The following ZHX2 variants were observed in gnomAD, a reference collection of about 807,000 sequenced individuals.
The protein encoded by ZHX2 is zinc fingers and homeoboxes protein 2.
ZHX2 carries 6 observed loss-of-function variants against 21.9 expected under a neutral mutation model. The ratio of observed to expected loss-of-function variants is 0.27; its 90% CI spans 0.15 to 0.54. The LOEUF is 0.54. Among genes scored for constraint, ZHX2 ranks in the 20% least tolerant of loss-of-function variants. ZHX2 has a pLI of 0.95. For missense variants in ZHX2, 908 were observed against 1,090.7 expected, an observed-to-expected ratio of 0.83 and a Z score of 2.36; for synonymous variants, 434 against 437.1, an observed-to-expected ratio of 0.99 and a Z score of 0.09.
At chr8:122,861,195 G>A (rs1198048569) in intron 1 of ZHX2, among the ~76,000 whole-genome samples, 2 of 152,170 alleles carry the variant, frequency 1.3e-5, no homozygotes, top group African/African-American at 4.8e-5. Context: ...GTCATGGACA[G>A]CATGGAGTCA....
At chr8:122,871,191 G>T (rs1819425908) in intron 2 of ZHX2, among the ~76,000 whole-genome samples, 1 of 152,126 alleles carries the variant, frequency 6.6e-6, no homozygotes, top group Non-Finnish European at 1.5e-5. Flanking sequence ...AATGAGGATT[G>T]TGTAGTGATT....
chr8:122,850,184 C>T (rs1226579177), intron 1 of ZHX2, among the ~76,000 whole-genome samples: 3 of 152,158 alleles, frequency 2.0e-5, no homozygotes, highest in African/African-American at 7.2e-5. Context: ...GATCTCCAAC[C>T]CAACCACATC....
At chr8:122,799,053 G>A (rs1467094540) in intron 1 of ZHX2, among the ~76,000 whole-genome samples, 1 of 152,182 alleles carries the variant, frequency 6.6e-6, no homozygotes, top group East Asian at 1.9e-4. Flanking sequence ...ATGTGCCCAT[G>A]TTAAAGCTCG....
chr8:122,864,085 T>G (rs1819232098), intron 2 of ZHX2, among the ~76,000 whole-genome samples: 1 of 150,694 alleles, frequency 6.6e-6, no homozygotes, highest in Admixed American at 6.7e-5. Flanking sequence ...GGAAGTAGAG[T>G]GAGTTCCCTG....
chr8:122,940,858 G>A (rs996342233), intron 2 of ZHX2, among the ~76,000 whole-genome samples: 4 of 152,110 alleles, frequency 2.6e-5, no homozygotes, highest in South Asian at 2.1e-4. Flanking sequence ...GCAAGCCATC[G>A]AACCTCTCTG....
At chr8:122,891,936 A>G (rs1819990073) in intron 2 of ZHX2, among the ~76,000 whole-genome samples, 1 of 152,180 alleles carries the variant, frequency 6.6e-6, no homozygotes, top group Non-Finnish European at 1.5e-5. Context: ...CGCTAGGTCT[A>G]TTTAGTCTAT....
chr8:122,802,174 C>G (rs1055494515), intron 1 of ZHX2, among the ~76,000 whole-genome samples: 5 of 152,194 alleles, frequency 3.3e-5, no homozygotes, highest in African/African-American at 1.2e-4. Flanking sequence ...AGCGATTTTC[C>G]TGCCTCAGCC....
chr8:122,866,855 C>T (rs766514287), intron 2 of ZHX2, among the ~76,000 whole-genome samples: 13 of 152,158 alleles, frequency 8.5e-5, no homozygotes, highest in Non-Finnish European at 7.3e-5. Context: ...GACAGAGTCT[C>T]GCTCTGCCAC....
intron 2 of ZHX2, among the ~76,000 whole-genome samples, chr8:122,947,242 G>A (rs1812999874): frequency 6.6e-6 from 1 of 151,478 alleles, no homozygotes; most frequent in Admixed American, 6.6e-5. Flanking sequence ...TCCAGCCTGG[G>A]CAACAGAGCA....
At chr8:122,796,170 CA>C (rs35841484) in intron 1 of ZHX2, among the ~76,000 whole-genome samples, 1,211 of 110,202 alleles carry the variant, frequency 0.011, 11 homozygotes, top group East Asian at 0.053. Flanking sequence ...GACTCCATCT[CA>C]AAAAAAAAAA....
intron 2 of ZHX2, among the ~76,000 whole-genome samples, chr8:122,872,037 C>T (rs1175725162): frequency 6.6e-6 from 1 of 152,166 alleles, no homozygotes. Flanking sequence ...GACCCTGGCC[C>T]CTGCAGTCCT....
chr8:122,781,148 G>C (rs1817269835), upstream of ZHX2: 1 of 152,208 alleles, frequency 6.6e-6, no homozygotes, highest in East Asian at 1.9e-4. The surrounding 1 kb of genome is among the most constrained non-coding windows in gnomAD (Gnocchi z 4.6). Context: ...CAGGGTGCGT[G>C]GTGGCCCCAC....
intron 1 of ZHX2, among the ~76,000 whole-genome samples, chr8:122,817,482 G>A (rs764821333): frequency 2.3e-4 from 35 of 152,154 alleles, no homozygotes; most frequent in Admixed American, 9.2e-4. Context: ...CCCAACCCCA[G>A]GCCCACAAGG....
At chr8:122,809,708 G>T (rs1769340396) in intron 1 of ZHX2, among the ~76,000 whole-genome samples, 1 of 152,138 alleles carries the variant, frequency 6.6e-6, no homozygotes, top group Admixed American at 6.5e-5. Context: ...CACGCGTGGG[G>T]CCTGAAGTGT....
At chr8:122,914,246 A>G (rs1366764976) in intron 2 of ZHX2, among the ~76,000 whole-genome samples, 1 of 152,226 alleles carries the variant, frequency 6.6e-6, no homozygotes, top group Non-Finnish European at 1.5e-5. Flanking sequence ...CTGGCAGCCC[A>G]TGCTCTGCCA....
At chr8:122,803,339 C>T (rs1329365405) in intron 1 of ZHX2, among the ~76,000 whole-genome samples, 1 of 152,186 alleles carries the variant, frequency 6.6e-6, no homozygotes, top group Non-Finnish European at 1.5e-5. Context: ...GCTCCTCCTG[C>T]AGGCTTTCAC....
intron 2 of ZHX2, among the ~76,000 whole-genome samples, chr8:122,949,545 C>A (rs1813058876): frequency 6.6e-6 from 1 of 151,816 alleles, no homozygotes; most frequent in South Asian, 2.1e-4. Flanking sequence ...AGCATACAAG[C>A]ATATTAAAAC....
At chr8:122,912,604 G>A (rs1820508722) in intron 2 of ZHX2, among the ~76,000 whole-genome samples, 1 of 152,100 alleles carries the variant, frequency 6.6e-6, no homozygotes, top group South Asian at 2.1e-4. Flanking sequence ...AGACCCTGCC[G>A]AGCACCTTAA....
chr8:122,931,142 G>T (rs781003960), intron 2 of ZHX2, among the ~76,000 whole-genome samples: 24 of 152,174 alleles, frequency 1.6e-4, no homozygotes, highest in Non-Finnish European at 2.5e-4. Flanking sequence ...ATCAGGTCCA[G>T]ACTTGCAGCC....
Sources: allele counts gnomAD v4.1 joint callset (sites outside exome capture counted in the v4.1 genomes callset), GRCh38; gene constraint gnomAD v4.1.1; non-coding constraint Gnocchi (gnomAD v3.1); transcripts MANE v1.5; gene names NCBI Gene and HGNC (gene_info 2026-07-23, HGNC 2026-07-21).